The following NRP1 variants were observed in gnomAD, a reference collection of about 807,000 sequenced individuals.
NRP1 encodes the protein neuropilin 1, also known as neuropilin-1.
Under a neutral mutation model 106.7 loss-of-function variants are expected in NRP1, and 35 were observed. The observed-to-expected ratio is 0.33, with a 90% CI of 0.25 to 0.43. NRP1 has a LOEUF of 0.43. Among genes scored for constraint, NRP1 ranks in the 20% least tolerant of loss-of-function variants. The pLI, the probability that NRP1 is intolerant of heterozygous loss-of-function variation, is 1.00. For synonymous variants in NRP1, 437 were observed against 417.9 expected (o/e 1.05, Z -0.56); for missense variants, 1,024 against 1,170.4 (o/e 0.87, Z 1.83).
chr10:33,184,915 A>T (rs1835906182), intron 15 of NRP1, among the ~76,000 whole-genome samples: 1 of 152,240 alleles, frequency 6.6e-6, no homozygotes, highest in Admixed American at 6.5e-5. Context: ...TTATATAATG[A>T]TGTATAACAA....
intron 13 of NRP1, among the ~76,000 whole-genome samples, chr10:33,191,117 C>G (rs117441481): frequency 0.01 from 1,593 of 152,304 alleles, 19 homozygotes; most frequent in Middle Eastern, 0.02. Flanking sequence ...TCTGGCCTCC[C>G]AAAGTGCTGG....
At chr10:33,330,314 A>G (rs1848181644) in intron 2 of NRP1, among the ~76,000 whole-genome samples, 1 of 151,870 alleles carries the variant, frequency 6.6e-6, no homozygotes, top group Non-Finnish European at 1.5e-5. Context: ...CTATCTGTGG[A>G]TGCGATGTAT....
At chr10:33,213,853 T>C (rs745710933) in intron 8 of NRP1, 136 bp from the exon 9 acceptor site, 126 of 738,862 alleles carry the variant, frequency 1.7e-4, no homozygotes, top group Non-Finnish European at 2.5e-4. Context: ...TGGATTATTT[T>C]ACAGTAAATC....
chr10:33,188,901 C>G (rs1836204280), intron 13 of NRP1, among the ~76,000 whole-genome samples: 1 of 94,530 alleles, frequency 1.1e-5, no homozygotes, highest in Non-Finnish European at 2.0e-5. Context: ...CAACAGAGAC[C>G]CTGTCTTAAA....
At chr10:33,202,063 C>T (rs1837356748) in intron 11 of NRP1, 1 of 152,196 alleles carries the variant, frequency 6.6e-6, no homozygotes, top group Non-Finnish European at 1.5e-5. Context: ...CATTCAAAAG[C>T]TCATGTTTAA....
chr10:33,283,170 G>C (rs1310097240), intron 2 of NRP1, among the ~76,000 whole-genome samples: 1 of 152,160 alleles, frequency 6.6e-6, no homozygotes, highest in Admixed American at 6.5e-5. Context: ...GAATCTTTTA[G>C]AGATGTACCT....
At chr10:33,307,957 A>T (rs1200252047) in intron 2 of NRP1, among the ~76,000 whole-genome samples, 1 of 152,168 alleles carries the variant, frequency 6.6e-6, no homozygotes, top group Non-Finnish European at 1.5e-5. Context: ...AAATACATGG[A>T]ATCAATCTAC....
At chr10:33,322,392 C>T (rs1847575600) in intron 2 of NRP1, among the ~76,000 whole-genome samples, 1 of 151,984 alleles carries the variant, frequency 6.6e-6, no homozygotes, top group Non-Finnish European at 1.5e-5. Context: ...TTTTTAAAAA[C>T]TGAAGGATAG....
At chr10:33,192,125 G>C (rs1005678180) in intron 13 of NRP1, among the ~76,000 whole-genome samples, 156 bp downstream of exon 13, 6 of 152,050 alleles carry the variant, frequency 3.9e-5, no homozygotes, top group Non-Finnish European at 7.4e-5. Flanking sequence ...TAGGGAAAGA[G>C]ACATTGTTAA....
chr10:33,304,248 C>T (rs1845993250), intron 2 of NRP1, among the ~76,000 whole-genome samples: 1 of 152,202 alleles, frequency 6.6e-6, no homozygotes, highest in Non-Finnish European at 1.5e-5. Flanking sequence ...CGTCTTCTTT[C>T]ACTGATTGAC....
chr10:33,299,272 T>C (rs1347070280), intron 2 of NRP1, among the ~76,000 whole-genome samples: 1 of 152,116 alleles, frequency 6.6e-6, no homozygotes, highest in African/African-American at 2.4e-5. Flanking sequence ...CTACCTATCT[T>C]CTTTGTATTC....
chr10:33,318,069 G>T (rs868671375), intron 2 of NRP1, among the ~76,000 whole-genome samples: 1 of 152,096 alleles, frequency 6.6e-6, no homozygotes, highest in African/African-American at 2.4e-5. Context: ...TGTGTCTCTT[G>T]TATTCATAAG....
Position 33,283,537 on chromosome 10 carries a change from A to G in NRP1, c.249-12681T>C, listed in dbSNP as rs556805660. Reference sequence around the variant, plus strand: ...TACAATAATACTTCAGATATCAACTAGAGCTTTTTTGTATCTGACAACATG... The same window carrying G: ...TACAATAATACTTCAGATATCAACTGGAGCTTTTTTGTATCTGACAACATG... On this transcript the variant is annotated intron_variant, in intron 2 of 16. Coordinates refer to ENST00000374867, the MANE Select transcript of NRP1 (RefSeq NM_003873.7). 7.9e-5 allele frequency among the ~76,000 whole-genome samples: 12 copies of G among 152,334 alleles called. No homozygotes were observed. The South Asian group carries it at 1.7e-3, about 21-fold the overall frequency.
chr10:33,283,144 C>T (rs917841539), intron 2 of NRP1, among the ~76,000 whole-genome samples: 7 of 152,220 alleles, frequency 4.6e-5, no homozygotes, highest in Non-Finnish European at 7.4e-5. Flanking sequence ...CTAAGATAAC[C>T]GCAACCAAGA....
At chr10:33,229,323 C>T (rs1839921958) in intron 6 of NRP1, among the ~76,000 whole-genome samples, 1 of 152,316 alleles carries the variant, frequency 6.6e-6, no homozygotes, top group South Asian at 2.1e-4. Context: ...AATGGGGACT[C>T]TAAAAATGGT....
chr10:33,297,413 C>T (rs903047077), intron 2 of NRP1, among the ~76,000 whole-genome samples: 2 of 152,116 alleles, frequency 1.3e-5, no homozygotes, highest in Non-Finnish European at 1.5e-5. Flanking sequence ...TGGCTGGGAG[C>T]GGTGGCTCAC....
chr10:33,248,105 T>C (rs546297392), intron 6 of NRP1, among the ~76,000 whole-genome samples: 58 of 152,194 alleles, frequency 3.8e-4, no homozygotes, highest in African/African-American at 1.0e-3. Flanking sequence ...CTGGCCAACA[T>C]GGGATGACAC....
At position 33,185,678 on chromosome 10, in the gene NRP1, GCAATCCCAC is replaced by G; in HGVS notation, c.2372_2380del (p.Gly791_Ile793del). On this transcript the variant is annotated inframe_deletion, in exon 15 of 17. Coordinates refer to ENST00000374867, the MANE Select transcript of NRP1 (RefSeq NM_003873.7). ...GTTATTAATACTAATGTCATCCACA[GCAATCCCAC>G]CAAGGTTTCCTTTTCCGATTTCGCC... is the stretch of plus-strand genomic sequence containing the variant. The G allele has an allele frequency of 6.2e-7, 1 of 1,614,094 alleles. No individual in the cohort carries two copies. The highest frequency in any genetic ancestry group is 8.5e-7 in the Non-Finnish European group (1 of 1,179,966).
At chr10:33,267,464 A>T (rs761949641) in intron 3 of NRP1, among the ~76,000 whole-genome samples, 14 of 152,186 alleles carry the variant, frequency 9.2e-5, no homozygotes, top group African/African-American at 3.4e-4. Context: ...GTTGCCAAGG[A>T]CAATAAGGAC....
Sources: gnomAD v4.1 joint callset for allele counts (sites outside exome capture counted in the v4.1 genomes callset) on GRCh38, gnomAD v4.1.1 for gene constraint, MANE v1.5 for transcripts, NCBI Gene and HGNC (gene_info 2026-07-23, HGNC 2026-07-21) for gene names.